CAMTA1: variants seen among roughly 807,000 people sequenced by gnomAD.
CAMTA1 encodes calmodulin binding transcription activator 1, also known as calmodulin-binding transcription activator 1.
In CAMTA1, 27 loss-of-function variants were observed where a neutral mutation model predicts 170.9. That is an observed-to-expected ratio of 0.16 (90% CI 0.12 to 0.22). CAMTA1 has a LOEUF of 0.22. CAMTA1 is among the 10% of genes least tolerant of loss of function. The probability of loss-of-function intolerance (pLI) is 1.00; values close to 1 mark genes in which losing one functional copy is unlikely to be tolerated. For missense variants in CAMTA1, 1,619 were observed against 2,217.2 expected, an observed-to-expected ratio of 0.73 and a Z score of 5.42; for synonymous variants, 833 against 891.5, an observed-to-expected ratio of 0.93 and a Z score of 1.17.
intron 5 of CAMTA1, among the ~76,000 whole-genome samples, chr1:7,266,597 A>G (rs746179488): frequency 9.2e-5 from 14 of 152,246 alleles, no homozygotes; most frequent in Admixed American, 4.6e-4. Flanking sequence ...GAAGAAACAG[A>G]CAGGACAGAG....
chr1:7,751,110 CTCT>C, intron 19 of CAMTA1, 86 bp from the exon 20 acceptor site: 1 of 1,054,688 alleles, frequency 9.5e-7, no homozygotes, highest in East Asian at 2.4e-5. Flanking sequence ...AAAGCATTTT[CTCT>C]TCTTCCCTTC....
At chr1:7,535,018 A>T (rs369827421) in intron 6 of CAMTA1, among the ~76,000 whole-genome samples, 2 of 152,116 alleles carry the variant, frequency 1.3e-5, no homozygotes, top group African/African-American at 4.8e-5. Flanking sequence ...ATCCCATCCA[A>T]AAAAGGGGAG....
intron 3 of CAMTA1, among the ~76,000 whole-genome samples, chr1:6,916,737 G>A (rs185024751): frequency 7.7e-4 from 118 of 152,324 alleles, no homozygotes; most frequent in Non-Finnish European, 1.2e-3. Flanking sequence ...TCTAGGGAGG[G>A]ATGGGGAAGT....
intron 11 of CAMTA1, among the ~76,000 whole-genome samples, chr1:7,698,074 A>AAC (rs2096395937): frequency 7.1e-5 from 7 of 98,586 alleles, no homozygotes; most frequent in Non-Finnish European, 1.5e-4. Flanking sequence ...ACGCACTGTG[A>AAC]CCCCCCCCCC....
At chr1:7,205,530 A>G (rs1245891197) in intron 4 of CAMTA1, among the ~76,000 whole-genome samples, 1 of 152,200 alleles carries the variant, frequency 6.6e-6, no homozygotes, top group Admixed American at 6.5e-5. Flanking sequence ...TAGATTGACC[A>G]TTTTATTTTT....
At chr1:7,239,184 C>G (rs1664423326) in intron 4 of CAMTA1, among the ~76,000 whole-genome samples, 1 of 152,198 alleles carries the variant, frequency 6.6e-6, no homozygotes. Context: ...GTATACTTCT[C>G]TAAAAGATAA....
At chr1:7,254,830 A>G (rs1159925317) in intron 5 of CAMTA1, among the ~76,000 whole-genome samples, 1 of 152,236 alleles carries the variant, frequency 6.6e-6, no homozygotes, top group Non-Finnish European at 1.5e-5. Context: ...CCACTGGAAA[A>G]CATTTTAAAT....
At position 7,249,399 on chromosome 1, in the gene CAMTA1, C is replaced by A; in HGVS notation, c.303-92C>A. The A allele has an allele frequency of 1.7e-6, 2 of 1,206,860 alleles. No individual in the cohort carries two copies. The highest frequency in any genetic ancestry group is 2.3e-6 in the Non-Finnish European group (2 of 860,992). 74.8% of individuals were successfully genotyped at this position (1,206,860 alleles called of 1,614,324 possible). On this transcript the variant is annotated intron_variant, in intron 4 of 22. Coordinates refer to ENST00000303635, the MANE Select transcript of CAMTA1 (RefSeq NM_015215.4). This position sits in a 1 kb window ranked among gnomAD's most constrained non-coding sequence, Gnocchi z 4.4. ...CCAGCAAATGTGGAATATTGCTTTTCTGTAGAGACTTTTACTGGTCGATGA... is the reference window on the plus strand; with the variant it reads ...CCAGCAAATGTGGAATATTGCTTTTATGTAGAGACTTTTACTGGTCGATGA...
At chr1:6,950,910 G>A (rs1280715758) in intron 3 of CAMTA1, among the ~76,000 whole-genome samples, 2 of 152,226 alleles carry the variant, frequency 1.3e-5, no homozygotes, top group African/African-American at 4.8e-5. Context: ...GGTGTCCAGC[G>A]TGTGTTCTGA....
intron 4 of CAMTA1, among the ~76,000 whole-genome samples, chr1:7,156,149 G>A (rs746382114): frequency 4.0e-5 from 6 of 151,642 alleles, no homozygotes; most frequent in Non-Finnish European, 7.4e-5. Flanking sequence ...GTGGTGGCAC[G>A]TGTGATCCCA....
At chr1:7,551,099 T>G (rs11587481) in intron 6 of CAMTA1, among the ~76,000 whole-genome samples, 30,742 of 152,028 alleles carry the variant, frequency 0.2, 3,195 homozygotes, top group African/African-American at 0.24. Context: ...ACCTTCACCC[T>G]CACAGGGAGG....
chr1:7,095,630 C>T (rs1384227002), intron 4 of CAMTA1, among the ~76,000 whole-genome samples: 7 of 152,250 alleles, frequency 4.6e-5, no homozygotes, highest in South Asian at 4.1e-4. Context: ...TATTCCTCTC[C>T]GCCTCTCACT....
Position 7,661,711 on chromosome 1 carries a change from C to G in CAMTA1, c.665-15C>G, listed in dbSNP as rs746151843. 6.2e-7 allele frequency: 1 copy of G among 1,613,820 alleles called. No homozygotes were observed. The highest frequency in any genetic ancestry group is 1.7e-5 in the Admixed American group (1 of 60,026). ...CCCACGGGCTCTGACAGCCCCCCTG[C>G]CTCTCTCTTCACAGTCCATGGCATC... On this transcript the variant is annotated splice_polypyrimidine_tract_variant and intron_variant, in intron 7 of 22. Transcript: ENST00000303635.
chr1:7,492,745 G>GCA (rs1557805015), intron 6 of CAMTA1, among the ~76,000 whole-genome samples: 13 of 111,890 alleles, frequency 1.2e-4, no homozygotes, highest in East Asian at 2.6e-4. Flanking sequence ...ACACACACGC[G>GCA]CGCACACACA....
At chr1:7,177,590 A>G (rs1335575612) in intron 4 of CAMTA1, among the ~76,000 whole-genome samples, 1 of 139,998 alleles carries the variant, frequency 7.1e-6, no homozygotes, top group Non-Finnish European at 1.5e-5. Context: ...CTCTCCCCAT[A>G]CCGAGGCCCC....
chr1:6,917,847 G>A (rs1157142225), intron 3 of CAMTA1, among the ~76,000 whole-genome samples: 1 of 89,552 alleles, frequency 1.1e-5, no homozygotes, highest in Non-Finnish European at 2.8e-5. Flanking sequence ...AAACCCATCG[G>A]GGGCGGGGGG....
At chr1:7,209,787 A>G (rs911517151) in intron 4 of CAMTA1, among the ~76,000 whole-genome samples, 6 of 152,222 alleles carry the variant, frequency 3.9e-5, no homozygotes, top group Admixed American at 3.9e-4. Context: ...AGAATAGAGA[A>G]TTCTGACATT....
chr1:7,425,170 A>G (rs2091808868), intron 5 of CAMTA1, among the ~76,000 whole-genome samples: 1 of 152,090 alleles, frequency 6.6e-6, no homozygotes, highest in Non-Finnish European at 1.5e-5. Context: ...GAGCCCACAG[A>G]CCCCAGGCCA....
chr1:7,544,539 G>A (rs1383193840), intron 6 of CAMTA1, among the ~76,000 whole-genome samples: 1 of 152,200 alleles, frequency 6.6e-6, no homozygotes, highest in Non-Finnish European at 1.5e-5. Flanking sequence ...GATCTCCTCT[G>A]TGCCCTGCTG....
Sources: allele counts gnomAD v4.1 joint callset (sites outside exome capture counted in the v4.1 genomes callset), GRCh38; gene constraint gnomAD v4.1.1; non-coding constraint Gnocchi (gnomAD v3.1); transcripts MANE v1.5; gene names NCBI Gene and HGNC (gene_info 2026-07-23, HGNC 2026-07-21).